The following CADM2 variants were observed in gnomAD, a reference collection of about 807,000 sequenced individuals.
The protein encoded by CADM2 is cell adhesion molecule 2.
In CADM2, 12 loss-of-function variants were observed where a neutral mutation model predicts 49.8. That is an observed-to-expected ratio of 0.24 (90% CI 0.15 to 0.39). The LOEUF is 0.39. Among genes scored for constraint, CADM2 ranks in the 10% least tolerant of loss-of-function variants. The pLI is 1.00. For synonymous variants in CADM2, 214 were observed against 175.4 expected, an observed-to-expected ratio of 1.22 and a Z score of -1.74; for missense variants, 378 against 492.3, an observed-to-expected ratio of 0.77 and a Z score of 2.20.
chr3:85,430,932 T>C (rs2036633793), intron 1 of CADM2, among the ~76,000 whole-genome samples: 1 of 152,066 alleles, frequency 6.6e-6, no homozygotes, highest in Non-Finnish European at 1.5e-5. Flanking sequence ...AAACATAAAA[T>C]AGGAACGATG....
intron 1 of CADM2, among the ~76,000 whole-genome samples, chr3:85,070,925 G>T (rs577900531): frequency 9.7e-4 from 147 of 151,960 alleles, no homozygotes; most frequent in African/African-American, 3.5e-3. Context: ...GGAGGCGGAA[G>T]TTGCAGTGAG....
chr3:85,018,380 T>C (rs1333141020), intron 1 of CADM2, among the ~76,000 whole-genome samples: 1 of 152,166 alleles, frequency 6.6e-6, no homozygotes, highest in Non-Finnish European at 1.5e-5. Flanking sequence ...TTATTATTTA[T>C]TTATTTATCT....
At chr3:85,975,448 T>C (rs893456600) in intron 8 of CADM2, among the ~76,000 whole-genome samples, 10 of 151,456 alleles carry the variant, frequency 6.6e-5, no homozygotes, top group Non-Finnish European at 8.9e-5. Flanking sequence ...ATTTATCTTG[T>C]TTGGATTTAA....
intron 1 of CADM2, among the ~76,000 whole-genome samples, chr3:85,102,101 G>A (rs1311293169): frequency 6.6e-6 from 1 of 152,140 alleles, no homozygotes; most frequent in African/African-American, 2.4e-5. Context: ...GTCTTATGTA[G>A]CCTGTTCTGC....
intron 7 of CADM2, among the ~76,000 whole-genome samples, chr3:85,956,092 T>C (rs1490617607): frequency 1.3e-5 from 2 of 151,648 alleles, no homozygotes; most frequent in African/African-American, 2.4e-5. Context: ...ACGTTCTGGA[T>C]GGACTAAGTG....
chr3:85,327,593 A>ACACACACCC (rs2044790932), intron 1 of CADM2, among the ~76,000 whole-genome samples: 1 of 146,342 alleles, frequency 6.8e-6, no homozygotes, highest in Non-Finnish European at 1.5e-5. Context: ...CACACACCAC[A>ACACACACCC]CACACACACA....
intron 8 of CADM2, among the ~76,000 whole-genome samples, chr3:85,973,177 A>G (rs750132509): frequency 1.3e-5 from 2 of 151,748 alleles, no homozygotes; most frequent in African/African-American, 2.4e-5. Context: ...ATCTACTGGT[A>G]TCATTATCAT....
intron 6 of CADM2, among the ~76,000 whole-genome samples, chr3:85,924,113 A>G (rs1380598591): frequency 6.6e-6 from 1 of 152,176 alleles, no homozygotes; most frequent in Non-Finnish European, 1.5e-5. Flanking sequence ...AGATGATTTA[A>G]TGTTTCCATA....
At chr3:85,850,603 C>T (rs2075070030) in intron 3 of CADM2, among the ~76,000 whole-genome samples, 1 of 152,090 alleles carries the variant, frequency 6.6e-6, no homozygotes, top group Non-Finnish European at 1.5e-5. Flanking sequence ...GCTGGGATTA[C>T]AGGCGTGAGC....
At chr3:85,592,255 G>T (rs555613815) in intron 1 of CADM2, among the ~76,000 whole-genome samples, 43 of 152,030 alleles carry the variant, frequency 2.8e-4, no homozygotes, top group African/African-American at 1.0e-3. Context: ...GGTTTTTAAT[G>T]ATCAGAGTTT....
At chr3:85,576,092 C>T (rs932519981) in intron 1 of CADM2, among the ~76,000 whole-genome samples, 11 of 152,160 alleles carry the variant, frequency 7.2e-5, no homozygotes, top group Admixed American at 2.0e-4. Flanking sequence ...TATAGTGAAT[C>T]ATGTGACACC....
At chr3:86,028,582 C>G (rs765072588) in intron 8 of CADM2, among the ~76,000 whole-genome samples, 1 of 152,122 alleles carries the variant, frequency 6.6e-6, no homozygotes, top group Non-Finnish European at 1.5e-5. Flanking sequence ...CTCTTTGAAG[C>G]CAGAGCAGTG....
At chr3:86,057,940 T>C (rs531640084) in intron 8 of CADM2, among the ~76,000 whole-genome samples, 1 of 152,326 alleles carries the variant, frequency 6.6e-6, no homozygotes, top group East Asian at 1.9e-4. Flanking sequence ...AAAAACTGAC[T>C]TCCATAGTTA....
chr3:86,009,933 C>T (rs1209881454), intron 8 of CADM2, among the ~76,000 whole-genome samples: 3 of 151,546 alleles, frequency 2.0e-5, no homozygotes, highest in Middle Eastern at 3.2e-3. Context: ...ACACAATTTT[C>T]GATATGTTGT....
At chr3:85,037,175 A>C (rs181493118) in intron 1 of CADM2, among the ~76,000 whole-genome samples, 46 of 152,248 alleles carry the variant, frequency 3.0e-4, no homozygotes, top group African/African-American at 5.1e-4. Flanking sequence ...ATCTCTAAAA[A>C]AAACAAACAA....
At chr3:85,928,833 G>A (rs1720239159) in intron 6 of CADM2, among the ~76,000 whole-genome samples, 1 of 151,920 alleles carries the variant, frequency 6.6e-6, no homozygotes, top group South Asian at 2.1e-4. Context: ...AATTTACTAA[G>A]CATGAGATAT....
intron 1 of CADM2, among the ~76,000 whole-genome samples, chr3:85,467,878 T>C (rs1406783614): frequency 6.6e-6 from 1 of 152,168 alleles, no homozygotes; most frequent in African/African-American, 2.4e-5. Context: ...GTTTCTGTTA[T>C]AACATTGAGG....
At chr3:84,969,064 T>C (rs2031221560) in intron 1 of CADM2, among the ~76,000 whole-genome samples, 4 of 151,980 alleles carry the variant, frequency 2.6e-5, no homozygotes. Flanking sequence ...TTGTTTTGTA[T>C]GTGTTATCAC....
chr3:85,579,117 A>T (rs1430145964), intron 1 of CADM2, among the ~76,000 whole-genome samples: 1 of 152,170 alleles, frequency 6.6e-6, no homozygotes, highest in Non-Finnish European at 1.5e-5. Context: ...TCCAGTGGTA[A>T]TATCTAAGGA....
Sources: allele counts gnomAD v4.1 joint callset (sites outside exome capture counted in the v4.1 genomes callset), GRCh38; gene constraint gnomAD v4.1.1; transcripts MANE v1.5; gene names NCBI Gene and HGNC (gene_info 2026-07-23, HGNC 2026-07-21).